The following THUMPD3 variants were observed in gnomAD, a reference collection of about 807,000 sequenced individuals.
The protein encoded by THUMPD3 is tRNA (guanine(6)-N(2))-methyltransferase THUMP3.
A neutral mutation model predicts 54.5 loss-of-function variants in THUMPD3; 44 were observed. The ratio of observed to expected loss-of-function variants is 0.81; its 90% confidence interval spans 0.63 to 1.04. THUMPD3 has a LOEUF of 1.04. Ranked by LOEUF, THUMPD3 falls within the 50% of genes least tolerant of loss-of-function variation. THUMPD3 has a pLI of 0.00. For missense variants in THUMPD3, 604 were observed against 601.3 expected (o/e 1.00, Z -0.05); for synonymous variants, 196 against 201.4 (o/e 0.97, Z 0.23).
intron 5 of THUMPD3, 90 bp downstream of exon 5, chr3:9,374,736 A>C: frequency 1.4e-6 from 2 of 1,451,162 alleles, no homozygotes; most frequent in African/African-American, 1.4e-5. Flanking sequence ...TGTGTGTTTG[A>C]GGTACTGTGT....
chr3:9,383,658 C>T (rs956007585), intron 8 of THUMPD3, among the ~76,000 whole-genome samples: 1 of 151,350 alleles, frequency 6.6e-6, no homozygotes, highest in Admixed American at 6.6e-5. Flanking sequence ...GAGCCCTGCT[C>T]TGTTGCCCAG....
intron 5 of THUMPD3, among the ~76,000 whole-genome samples, chr3:9,376,390 A>G (rs2032461653): frequency 6.6e-6 from 1 of 152,162 alleles, no homozygotes; most frequent in Non-Finnish European, 1.5e-5. Context: ...TGTATTTCCA[A>G]TTCCAAACGA....
At position 9,365,001 on chromosome 3, in the gene THUMPD3, C is replaced by T; in HGVS notation, c.-53-15C>T. On this transcript the variant is annotated splice_polypyrimidine_tract_variant and intron_variant, in intron 1 of 9. Coordinates refer to ENST00000452837, the MANE Select transcript of THUMPD3 (RefSeq NM_001114092.2). Reference sequence around the variant, plus strand: ...AGATGATAATATTTGGGCTTTATTTCTTTTTCTTTTAAAGGACAGTACTGC... The same window carrying T: ...AGATGATAATATTTGGGCTTTATTTTTTTTTCTTTTAAAGGACAGTACTGC... 1 of 1,536,510 alleles carries T rather than the reference C, an allele frequency of 6.5e-7. No homozygotes were observed. Among genetic ancestry groups the T allele is most frequent in the Non-Finnish European group, 8.8e-7 (1 of 1,142,468 alleles).
At chr3:9,378,901 A>G (rs2032668734) in intron 6 of THUMPD3, among the ~76,000 whole-genome samples, 1 of 152,194 alleles carries the variant, frequency 6.6e-6, no homozygotes, top group African/African-American at 2.4e-5. Flanking sequence ...TGTGTATGAA[A>G]TAGCAGGTAA....
chr3:9,377,617 C>A (rs1333981685), intron 5 of THUMPD3, among the ~76,000 whole-genome samples: 1 of 152,130 alleles, frequency 6.6e-6, no homozygotes, highest in Non-Finnish European at 1.5e-5. Context: ...TCAAGCGATC[C>A]ACCCATCTCA....
rs781741747 is a variant in THUMPD3 at position 9,371,556 on chromosome 3, G to A, written c.807+20G>A. The A allele has an allele frequency of 1.1e-5, 17 of 1,566,726 alleles. No homozygotes were observed. Among genetic ancestry groups the A allele is most frequent in the Non-Finnish European group, 1.5e-5 (17 of 1,149,520 alleles). On this transcript the variant is annotated intron_variant, in intron 4 of 9. Transcript: ENST00000452837. ...GTGGAGGTAGGTATAGGCTCTGACT[G>A]TGGTGATTGAAGAATGCTGTCACAG... is the stretch of plus-strand genomic sequence containing the variant.
chr3:9,372,915 A>G (rs567168820), intron 4 of THUMPD3, among the ~76,000 whole-genome samples: 323 of 152,242 alleles, frequency 2.1e-3, no homozygotes, highest in African/African-American at 6.5e-3. Context: ...TGTGCATGTC[A>G]AATCAGGAGT....
rs1289178475 is a variant in THUMPD3, at chr3:9,385,648, T to C, written c.*960T>C. ...TATTTGTAAATAGCACATACATTGA[T>C]AGATGGGGTGTGGGACCAACAAACC... On this transcript the variant is annotated 3_prime_UTR_variant, in exon 10 of 10. Transcript: ENST00000452837. The C allele has an allele frequency of 1.3e-5, 2 of 152,230 alleles. No homozygotes were observed. Among genetic ancestry groups the C allele is most frequent in the Admixed American group, 6.5e-5 (1 of 15,284 alleles). The allele number at this position is 152,230 out of a possible 1,614,324, so 9.4% of individuals were successfully genotyped here. A position where few individuals can be genotyped will look rare whatever the true frequency, so the allele number is the denominator to read the frequency against.
intron 8 of THUMPD3, among the ~76,000 whole-genome samples, chr3:9,383,984 G>A (rs1342213657): frequency 1.3e-5 from 2 of 152,052 alleles, no homozygotes; most frequent in East Asian, 3.8e-4. Flanking sequence ...ATACTAAGAG[G>A]ACAAGTCATA....
chr3:9,370,984 C>A (rs1280727641), intron 3 of THUMPD3, 76 bp from the exon 4 acceptor site: 1 of 1,269,474 alleles, frequency 7.9e-7, no homozygotes, highest in Non-Finnish European at 1.1e-6. Flanking sequence ...ACCAACTGTC[C>A]ATAAGCAAAG....
rs1190719639 is a variant in THUMPD3, at chr3:9,385,147, A to G, written c.*459A>G. On this transcript the variant is annotated 3_prime_UTR_variant, in exon 10 of 10. Coordinates refer to ENST00000452837, the MANE Select transcript of THUMPD3 (RefSeq NM_001114092.2). ...AAGAGCGAAACTCTGTCTCAAAAAGATTTTATAAGAAAGCAGAGCTTTTCC... is the reference window on the plus strand; with the variant it reads ...AAGAGCGAAACTCTGTCTCAAAAAGGTTTTATAAGAAAGCAGAGCTTTTCC... 1.3e-5 allele frequency: 2 copies of G among 154,276 alleles called. No homozygotes were observed. Among genetic ancestry groups the G allele is most frequent in the Non-Finnish European group, 2.9e-5 (2 of 69,392 alleles). The allele number at this position is 154,276 out of a possible 1,614,324, so 9.6% of individuals were successfully genotyped here. A position where few individuals can be genotyped will look rare whatever the true frequency, so the allele number is the denominator to read the frequency against.
Position 9,383,276 on chromosome 3 carries a change from A to G in THUMPD3, c.1202A>G (p.Asp401Gly), listed in dbSNP as rs1218390950. 1.2e-6 allele frequency: 2 copies of G among 1,613,732 alleles called. No homozygotes were observed. The highest frequency in any genetic ancestry group is 1.3e-5 in the African/African-American group (1 of 74,916). The change falls in exon 8 of 10, where the codon GAT becomes GGT. Residue 401 changes from aspartate (D) to glycine (G), a missense_variant. By Grantham distance (94) the Asp-to-Gly change is moderately conservative. Transcript: ENST00000452837. ...CNLPLRTGSV[D>G]IIVTDLPFGK... is the part of the protein sequence containing the mutation. Reference sequence around the variant, plus strand: ...CTGCCATTGAGAACTGGCTCTGTGGATATTATTGTAACAGATTTGCCATTT... The same window carrying G: ...CTGCCATTGAGAACTGGCTCTGTGGGTATTATTGTAACAGATTTGCCATTT...
chr3:9,367,060 G>T, intron 3 of THUMPD3, 75 bp downstream of exon 3: 1 of 1,234,390 alleles, frequency 8.1e-7, no homozygotes, highest in Non-Finnish European at 1.2e-6. Context: ...TTCATAGTCT[G>T]TGAAAGTTTA....
chr3:9,383,997 A>T (rs1021432458), intron 8 of THUMPD3, among the ~76,000 whole-genome samples: 1 of 152,198 alleles, frequency 6.6e-6, no homozygotes, highest in African/African-American at 2.4e-5. Context: ...AAGTCATATA[A>T]CTAACACAGT....
chr3:9,382,079 G>T (rs377453964), intron 7 of THUMPD3, among the ~76,000 whole-genome samples: 18 of 151,902 alleles, frequency 1.2e-4, no homozygotes, highest in Middle Eastern at 6.8e-3. Context: ...CACTGTGCCC[G>T]GCCTCAACCT....
At chr3:9,366,821 A>G (rs1018442310) in intron 2 of THUMPD3, 87 bp from the exon 3 acceptor site, 1 of 1,064,500 alleles carries the variant, frequency 9.4e-7, no homozygotes, top group Non-Finnish European at 1.4e-6. Context: ...TAAAACTATC[A>G]TTCCTAATTT....
At chr3:9,374,676 A>T (rs1298018316) in intron 5 of THUMPD3, 30 bp downstream of exon 5, 1 of 1,610,980 alleles carries the variant, frequency 6.2e-7, no homozygotes, top group Non-Finnish European at 8.5e-7. Context: ...ATCCAGCTTA[A>T]AGTGGCACCT....
At chr3:9,366,515 C>A (rs2031578021) in intron 2 of THUMPD3, among the ~76,000 whole-genome samples, 1 of 152,138 alleles carries the variant, frequency 6.6e-6, no homozygotes. Context: ...AAATAATTTC[C>A]CCAGGGCCAC....
At chr3:9,364,314 C>A (rs2031279346) in intron 1 of THUMPD3, among the ~76,000 whole-genome samples, 1 of 151,012 alleles carries the variant, frequency 6.6e-6, no homozygotes, top group Non-Finnish European at 1.5e-5. Context: ...TCCAAAAGCC[C>A]CATATTATTA....
Sources: allele counts gnomAD v4.1 joint callset (sites outside exome capture counted in the v4.1 genomes callset), GRCh38; gene constraint gnomAD v4.1.1; transcripts MANE v1.5; gene names NCBI Gene and HGNC (gene_info 2026-07-23, HGNC 2026-07-21).